The following RIT2 variants were observed in gnomAD, a reference collection of about 807,000 sequenced individuals.
The protein encoded by RIT2 is Ras like without CAAX 2.
A neutral mutation model predicts 23.7 loss-of-function variants in RIT2; 24 were observed. The observed-to-expected ratio is 1.01, with a 90% CI of 0.73 to 1.43. RIT2 has a LOEUF of 1.43. Ranked by LOEUF, RIT2 falls within the 40% of genes most tolerant of loss-of-function variation. The pLI is 0.00. For synonymous variants in RIT2, 107 were observed against 91.1 expected, an observed-to-expected ratio of 1.17 and a Z score of -0.99; for missense variants, 236 against 266.9, an observed-to-expected ratio of 0.88 and a Z score of 0.81.
At chr18:42,844,314 G>A (rs191303616) in intron 4 of RIT2, among the ~76,000 whole-genome samples, 9 of 152,318 alleles carry the variant, frequency 5.9e-5, no homozygotes, top group East Asian at 1.9e-4. Context: ...CACTGGTGAG[G>A]GCAAAGGGAC....
chr18:42,758,393 T>C (rs1913215373), intron 4 of RIT2, among the ~76,000 whole-genome samples: 1 of 152,190 alleles, frequency 6.6e-6, no homozygotes, highest in Admixed American at 6.5e-5. Context: ...TCCAGCAATT[T>C]TTACCAACTG....
At chr18:42,784,793 A>T (rs764703619) in intron 4 of RIT2, among the ~76,000 whole-genome samples, 5 of 152,094 alleles carry the variant, frequency 3.3e-5, no homozygotes, top group South Asian at 2.1e-4. Context: ...AGGGAGTTAC[A>T]TAATACTTTA....
intron 3 of RIT2, among the ~76,000 whole-genome samples, chr18:42,929,034 G>GATATATATAT (rs770619793): frequency 0.13 from 12,571 of 96,618 alleles, 907 homozygotes; most frequent in East Asian, 0.17. Flanking sequence ...AAAATATGGA[G>GATATATATAT]ATATATATAT....
intron 4 of RIT2, among the ~76,000 whole-genome samples, chr18:42,815,785 T>C (rs143862139): frequency 6.6e-6 from 1 of 152,218 alleles, no homozygotes; most frequent in Non-Finnish European, 1.5e-5. Flanking sequence ...TCCGAGGCAA[T>C]CAGAACAATA....
intron 1 of RIT2, among the ~76,000 whole-genome samples, chr18:43,084,291 TGTAAATTA>T: frequency 6.6e-6 from 1 of 152,146 alleles, no homozygotes; most frequent in East Asian, 1.9e-4. Context: ...TCAGTGGGAG[TGTAAATTA>T]GTTCCATCAT....
At chr18:42,901,174 A>G (rs991334245) in intron 4 of RIT2, among the ~76,000 whole-genome samples, 1 of 152,052 alleles carries the variant, frequency 6.6e-6, no homozygotes, top group African/African-American at 2.4e-5. Flanking sequence ...TATTAATTGT[A>G]TTAGATATTG....
intron 2 of RIT2, among the ~76,000 whole-genome samples, chr18:42,976,166 C>T (rs2213052): frequency 0.18 from 26,714 of 151,808 alleles, 2,560 homozygotes; most frequent in Middle Eastern, 0.22. Flanking sequence ...TATTACTTCC[C>T]ACTTATACTT....
intron 4 of RIT2, among the ~76,000 whole-genome samples, chr18:42,800,138 C>T (rs965040669): frequency 6.6e-6 from 1 of 152,030 alleles, no homozygotes; most frequent in African/African-American, 2.4e-5. Context: ...TTTAAAAAAT[C>T]ATTATTAACT....
chr18:42,754,448 C>T (rs1368559263), intron 4 of RIT2, among the ~76,000 whole-genome samples: 1 of 152,160 alleles, frequency 6.6e-6, no homozygotes, highest in African/African-American at 2.4e-5. Flanking sequence ...TTCCTCAATA[C>T]ATATTTTTAT....
chr18:42,753,168 C>G (rs565717279), intron 4 of RIT2, among the ~76,000 whole-genome samples: 1 of 152,158 alleles, frequency 6.6e-6, no homozygotes, highest in African/African-American at 2.4e-5. Context: ...TAGTGGGAAG[C>G]GGCAAGCATC....
chr18:43,091,677 C>T (rs1462914069), intron 1 of RIT2, among the ~76,000 whole-genome samples: 3 of 151,968 alleles, frequency 2.0e-5, no homozygotes, highest in Non-Finnish European at 4.4e-5. Context: ...ATTGGATGTT[C>T]AGTTACCTAG....
In RIT2 at chr18:42,895,770, A is replaced by G. The variant is rs897432013; in HGVS notation, c.426+27802T>C. ...AGTGCAAAATCTGACATCTCTATTA[A>G]CTGGCATAAAGGGATCTCTCAGTCA... On this transcript the variant is annotated intron_variant, in intron 4 of 4. Transcript: ENST00000326695. Among the ~76,000 whole-genome samples the G allele has an allele frequency of 2.6e-5, 4 of 152,206 alleles. 1 individual carries two copies. In the South Asian group the frequency reaches 8.3e-4, roughly 31 times the overall value.
intron 4 of RIT2, among the ~76,000 whole-genome samples, chr18:42,830,863 A>G (rs1390699234): frequency 7.2e-5 from 11 of 152,176 alleles, no homozygotes; most frequent in Non-Finnish European, 1.6e-4. Flanking sequence ...AAGGCTGATC[A>G]AGGTCTCCAC....
At chr18:42,878,517 T>A (rs560085590) in intron 4 of RIT2, among the ~76,000 whole-genome samples, 227 of 151,918 alleles carry the variant, frequency 1.5e-3, no homozygotes, top group Non-Finnish European at 2.3e-3. Context: ...AAAATTTGAA[T>A]ATAAGTGGAT....
At chr18:43,105,609 C>T (rs923720072) in intron 1 of RIT2, among the ~76,000 whole-genome samples, 2 of 151,772 alleles carry the variant, frequency 1.3e-5, no homozygotes, top group Non-Finnish European at 2.9e-5. Flanking sequence ...CAGCAATTCT[C>T]TGAGGATATT....
chr18:42,809,195 T>C (rs149198303), intron 4 of RIT2, among the ~76,000 whole-genome samples: 16 of 152,260 alleles, frequency 1.1e-4, no homozygotes, highest in African/African-American at 3.8e-4. Flanking sequence ...AAAATTTTAG[T>C]GTTGGAAGGA....
chr18:42,784,625 C>T (rs1913884865), intron 4 of RIT2, among the ~76,000 whole-genome samples: 1 of 151,998 alleles, frequency 6.6e-6, no homozygotes, highest in Admixed American at 6.6e-5. Context: ...AGAAATGAAA[C>T]AACTCCATTT....
At chr18:42,950,370 C>T (rs899601165) in intron 3 of RIT2, among the ~76,000 whole-genome samples, 1 of 151,998 alleles carries the variant, frequency 6.6e-6, no homozygotes, top group Non-Finnish European at 1.5e-5. Flanking sequence ...TGGATCCCCA[C>T]CTTTCACCAT....
At chr18:43,098,331 T>A (rs1407469657) in intron 1 of RIT2, among the ~76,000 whole-genome samples, 1 of 151,872 alleles carries the variant, frequency 6.6e-6, no homozygotes, top group African/African-American at 2.4e-5. Context: ...AACCAGGGGT[T>A]TAGAAATCAG....
Sources: gnomAD v4.1 joint callset for allele counts (sites outside exome capture counted in the v4.1 genomes callset) on GRCh38, gnomAD v4.1.1 for gene constraint, MANE v1.5 for transcripts, NCBI Gene and HGNC (gene_info 2026-07-23, HGNC 2026-07-21) for gene names.